SP7: variants seen among roughly 807,000 people sequenced by gnomAD.
SP7 encodes Sp7 transcription factor, also known as transcription factor Sp7.
SP7 carries 13 observed loss-of-function variants against 27.9 expected under a neutral mutation model. That is an observed-to-expected ratio of 0.47 (90% CI 0.30 to 0.74). The LOEUF is 0.74. SP7 is among the 30% of genes least tolerant of loss of function. The pLI is 0.06. For synonymous variants in SP7, 219 were observed against 226.7 expected (o/e 0.97, Z 0.31); for missense variants, 525 against 558.0 (o/e 0.94, Z 0.60).
Position 53,329,013 on chromosome 12 carries a change from G to C in SP7, c.429C>G (p.Ile143Met). Reference protein sequence around the residue: ...HPYGSWYKAGIHAGISPGPGN... With the variant: ...HPYGSWYKAGMHAGISPGPGN... ...CTGGGCCTGGTGAAATGCCTGCATG[G>C]ATGCCTGCCTTGTACCAGGAGCCAT... The change falls in exon 3 of 3, where the codon ATC (isoleucine) becomes ATG (methionine). Residue 143 changes from isoleucine to methionine, a missense_variant. By Grantham distance (10) the Ile-to-Met change is conservative (BLOSUM62 1). Transcript: ENST00000536324. 1 of 1,613,708 alleles carries C rather than the reference G, an allele frequency of 6.2e-7. No individual in the cohort carries two copies. Among genetic ancestry groups the C allele is most frequent in the African/African-American group, 1.3e-5 (1 of 75,016 alleles).
At position 53,335,703 on chromosome 12, in the gene SP7, GGGGT is replaced by G; in HGVS notation, c.-47-14_-47-11del. The G allele has an allele frequency of 3.4e-6, 5 of 1,459,766 alleles. No individual in the cohort carries two copies. The highest frequency in any genetic ancestry group is 1.4e-5 in the African/African-American group (1 of 69,644). 90.4% of individuals were successfully genotyped at this position (1,459,766 alleles called of 1,614,324 possible). ...AGGCAGATGGAGAGAGCTGAGCCGG[GGGGT>G]GGGGGGGGTAGAGAGAGAAAAGGGA... On this transcript the variant is annotated splice_polypyrimidine_tract_variant and intron_variant, in intron 1 of 2. Coordinates refer to ENST00000536324, the MANE Select transcript of SP7 (RefSeq NM_001173467.3).
chr12:53,340,278 G>C (rs1022440376), upstream of SP7, among the ~76,000 whole-genome samples: 11 of 151,810 alleles, frequency 7.2e-5, no homozygotes, highest in Non-Finnish European at 1.2e-4. Flanking sequence ...CATATACCCA[G>C]GGCTACCATT....
intron 2 of SP7, among the ~76,000 whole-genome samples, chr12:53,334,437 G>A (rs899109485): frequency 1.3e-5 from 2 of 151,856 alleles, no homozygotes; most frequent in African/African-American, 4.8e-5. Flanking sequence ...AATGAACACA[G>A]GTGTTAAAAG....
chr12:53,334,027 A>G (rs555680409), intron 2 of SP7, among the ~76,000 whole-genome samples: 12 of 152,286 alleles, frequency 7.9e-5, no homozygotes, highest in African/African-American at 2.4e-4. Flanking sequence ...CATGATGCCC[A>G]CGCCCACTGA....
At chr12:53,342,446 G>A (rs1169239897) in intron 1 of SP7, among the ~76,000 whole-genome samples, 1 of 152,162 alleles carries the variant, frequency 6.6e-6, no homozygotes, top group Non-Finnish European at 1.5e-5. Context: ...GCAATAACAA[G>A]CAAGACAGAC....
chr12:53,335,786 C>T (rs767543557), intron 1 of SP7, 93 bp from the exon 2 acceptor site: 40 of 1,343,944 alleles, frequency 3.0e-5, no homozygotes, highest in Middle Eastern at 2.9e-4. Flanking sequence ...TAGAAGGGAC[C>T]GGGGTGGGGG....
At chr12:53,341,775 C>T (rs1266859665) in intron 1 of SP7, among the ~76,000 whole-genome samples, 1 of 152,154 alleles carries the variant, frequency 6.6e-6, no homozygotes, top group African/African-American at 2.4e-5. Flanking sequence ...AAAACCCTGT[C>T]TCAGGCTGGC....
Position 53,329,357 on chromosome 12 carries a change from C to T in SP7, c.85G>A (p.Gly29Ser). Residue 29 changes from glycine to serine, a missense_variant, in exon 3 of 3, where the codon GGC becomes AGC. By Grantham distance (56) the Gly-to-Ser change is moderately conservative. Coordinates refer to ENST00000536324, the MANE Select transcript of SP7 (RefSeq NM_001173467.3). ...MLTAACSKFG[G>S]SSPLRDSTTL... Reference sequence around the variant, plus strand: ...GTTGAGTCCCGCAGAGGGCTAGAGCCACCAAATTTGCTGCACGCTGCCGTC... The same window carrying T: ...GTTGAGTCCCGCAGAGGGCTAGAGCTACCAAATTTGCTGCACGCTGCCGTC... 6.2e-7 allele frequency: 1 copy of T among 1,613,980 alleles called. No homozygotes were observed. The highest frequency in any genetic ancestry group is 1.3e-5 in the African/African-American group (1 of 75,026).
upstream of SP7, among the ~76,000 whole-genome samples, chr12:53,338,581 A>G (rs1944795038): frequency 6.6e-6 from 1 of 152,080 alleles, no homozygotes; most frequent in Non-Finnish European, 1.5e-5. Flanking sequence ...GAGGAGTTGG[A>G]AGGAAGGGTC....
chr12:53,336,397 G>C (rs952446335), upstream of SP7: 1 of 150,466 alleles, frequency 6.6e-6, no homozygotes, highest in Non-Finnish European at 1.4e-5. Context: ...CTGAGGGAAG[G>C]AACAGGAGGG....
intron 2 of SP7, among the ~76,000 whole-genome samples, chr12:53,330,848 C>A (rs1046633774): frequency 6.6e-6 from 1 of 152,154 alleles, no homozygotes; most frequent in African/African-American, 2.4e-5. Context: ...GCAGAGACTC[C>A]GGCTGGAGAG....
intron 2 of SP7, among the ~76,000 whole-genome samples, chr12:53,330,464 T>A (rs931374317): frequency 2.0e-5 from 3 of 152,156 alleles, no homozygotes; most frequent in Non-Finnish European, 2.9e-5. Context: ...CTCCAAGCGA[T>A]CCTCCACCCT....
Position 53,335,697 on chromosome 12 carries a change from A to C in SP7, c.-47-4T>G. ...GGAGCCAGGCAGATGGAGAGAGCTG[A>C]GCCGGGGGGTGGGGGGGGTAGAGAG... On this transcript the variant is annotated splice_region_variant and splice_polypyrimidine_tract_variant and intron_variant, in intron 1 of 2. Transcript: ENST00000536324. 1 of 308,112 alleles carries C rather than the reference A, an allele frequency of 3.2e-6. No homozygotes were observed. The highest frequency in any genetic ancestry group is 4.1e-6 in the Non-Finnish European group (1 of 243,714). The allele number at this position is 308,112 out of a possible 1,614,324, so 19.1% of individuals were successfully genotyped here.
rs982062585 is a variant in SP7 at position 53,326,634 on chromosome 12, C to A, written c.*1512G>T. On this transcript the variant is annotated 3_prime_UTR_variant, in exon 3 of 3. Transcript: ENST00000536324. ...AAAAAGACTCCACAAAGGGCATGAT[C>A]CCTTCCATTCCACAATGTTCTCTCC... 4 of 152,322 alleles carry A rather than the reference C, an allele frequency of 2.6e-5. No homozygotes were observed. The highest frequency in any genetic ancestry group is 2.6e-4 in the Admixed American group (4 of 15,282). 9.4% of individuals were successfully genotyped at this position (152,322 alleles called of 1,614,324 possible). A position where few individuals can be genotyped will look rare whatever the true frequency, so the allele number is the denominator to read the frequency against.
rs1233229032 is a variant in SP7, at chr12:53,327,839, G to A, written c.*307C>T. ...GAGTGAGATGGAGAAATAGTGTTGG[G>A]AGCCCAAATAGAAAGTGTGTTGGTG... On this transcript the variant is annotated 3_prime_UTR_variant, in exon 3 of 3. Coordinates refer to ENST00000536324, the MANE Select transcript of SP7 (RefSeq NM_001173467.3). The A allele has an allele frequency of 7.8e-6, 3 of 382,998 alleles. No individual in the cohort carries two copies. In the East Asian group the frequency reaches 1.2e-4, roughly 16 times the overall value. The allele number at this position is 382,998 out of a possible 1,614,324, so 23.7% of individuals were successfully genotyped here.
intron 1 of SP7, among the ~76,000 whole-genome samples, chr12:53,342,514 C>T (rs927307599): frequency 1.8e-4 from 27 of 152,050 alleles, no homozygotes; most frequent in African/African-American, 6.0e-4. Context: ...GGAAGTATCT[C>T]GATAGAATAA....
chr12:53,334,331 T>TACACACACACACACAC (rs57611228), intron 2 of SP7, among the ~76,000 whole-genome samples: 1 of 139,536 alleles, frequency 7.2e-6, no homozygotes, highest in Non-Finnish European at 1.5e-5. Context: ...TGGCCCAACT[T>TACACACACACACACAC]ACACACACAC....
At chr12:53,337,788 T>C (rs2364599), upstream of SP7, among the ~76,000 whole-genome samples, 135,953 of 152,008 alleles carry the variant, frequency 0.89, 62,766 homozygotes, top group East Asian at 1. Context: ...TTGATTTACC[T>C]CAAGGAACTC....
upstream of SP7, among the ~76,000 whole-genome samples, chr12:53,338,333 C>T (rs151016066): frequency 3.7e-4 from 57 of 152,086 alleles, no homozygotes; most frequent in African/African-American, 1.3e-3. Flanking sequence ...TCCGGGGCCC[C>T]GAACTCAGAA....
Sources: allele counts gnomAD v4.1 joint callset (sites outside exome capture counted in the v4.1 genomes callset), GRCh38; gene constraint gnomAD v4.1.1; transcripts MANE v1.5; gene names NCBI Gene and HGNC (gene_info 2026-07-23, HGNC 2026-07-21).